Variants in PTPRD observed in about 807,000 individuals in gnomAD.
The protein encoded by PTPRD is protein tyrosine phosphatase receptor type D, also known as receptor-type tyrosine-protein phosphatase delta.
PTPRD carries 34 observed loss-of-function variants against 214.5 expected under a neutral mutation model. The ratio of observed to expected loss-of-function variants is 0.16; its 90% CI spans 0.12 to 0.21. The LOEUF (loss-of-function observed/expected upper bound fraction) is 0.21. Ranked by LOEUF, PTPRD falls within the 10% of genes least tolerant of loss-of-function variation. The pLI, the probability that PTPRD is intolerant of heterozygous loss-of-function variation, is 1.00. For synonymous variants in PTPRD, 1,128 were observed against 845.7 expected (o/e 1.33, Z -5.79); for missense variants, 2,545 against 2,398.7 (o/e 1.06, Z -1.27).
At chr9:8,951,348 A>G (rs1308404645) in intron 11 of PTPRD, among the ~76,000 whole-genome samples, 1 of 146,420 alleles carries the variant, frequency 6.8e-6, no homozygotes, top group Non-Finnish European at 1.5e-5. Context: ...TCAGTCCCGT[A>G]AACATAGAAA....
chr9:9,091,365 C>G, intron 10 of PTPRD: 1 of 699,376 alleles, frequency 1.4e-6, no homozygotes, highest in Non-Finnish European at 2.6e-6. Flanking sequence ...CTGTACATTT[C>G]TGTAAATCTC....
intron 12 of PTPRD, among the ~76,000 whole-genome samples, chr9:8,660,631 C>A (rs1243648886): frequency 6.6e-6 from 1 of 152,140 alleles, no homozygotes; most frequent in East Asian, 1.9e-4. Flanking sequence ...CATGATTCCA[C>A]CTCTGAAACC....
intron 36 of PTPRD, among the ~76,000 whole-genome samples, chr9:8,396,375 A>G (rs926370470): frequency 2.0e-5 from 3 of 152,298 alleles, no homozygotes; most frequent in Non-Finnish European, 4.4e-5. Context: ...CAGGATAAAA[A>G]TAATTCTTTT....
intron 2 of PTPRD, among the ~76,000 whole-genome samples, chr9:10,462,790 G>A (rs1334588372): frequency 1.3e-5 from 2 of 151,418 alleles, no homozygotes; most frequent in East Asian, 3.9e-4. Flanking sequence ...CTAGTTACAG[G>A]ACATATTTTC....
intron 9 of PTPRD, among the ~76,000 whole-genome samples, chr9:9,324,259 C>T (rs894106246): frequency 4.6e-5 from 7 of 152,268 alleles, no homozygotes; most frequent in South Asian, 2.1e-4. Flanking sequence ...CTTGAGGAAT[C>T]GCCACACTGT....
chr9:10,062,536 G>A (rs12237354), intron 3 of PTPRD, among the ~76,000 whole-genome samples: 7,273 of 152,066 alleles, frequency 0.048, 486 homozygotes, highest in African/African-American at 0.15. Flanking sequence ...AACCCGCAAG[G>A]CAGAGGTTGC....
At chr9:9,537,621 T>C (rs1157248949) in intron 8 of PTPRD, among the ~76,000 whole-genome samples, 2 of 152,144 alleles carry the variant, frequency 1.3e-5, no homozygotes, top group East Asian at 1.9e-4. Context: ...CATAGTTCAA[T>C]AGAATTCCCA....
chr9:8,667,105 G>A (rs1390005221), intron 12 of PTPRD, among the ~76,000 whole-genome samples: 2 of 152,330 alleles, frequency 1.3e-5, no homozygotes, highest in East Asian at 1.9e-4. Flanking sequence ...TTAGGAGGCT[G>A]AGGCGGGCAG....
intron 8 of PTPRD, among the ~76,000 whole-genome samples, chr9:9,547,796 T>A (rs1043505128): frequency 1.2e-4 from 17 of 142,448 alleles, no homozygotes; most frequent in Middle Eastern, 3.6e-3. Flanking sequence ...AAACACAAAT[T>A]CACACACACA....
chr9:8,469,513 A>G lies in PTPRD; in HGVS notation c.3504+1482T>C, dbSNP rs1162734046. On this transcript the variant is annotated intron_variant, in intron 31 of 45. Coordinates refer to ENST00000381196, the MANE Select transcript of PTPRD (RefSeq NM_002839.4). ...CTGAGAACCAATTAAAATAGTAAAG[A>G]ATATATCAAGATTAATTGATTAGTC... Among the ~76,000 whole-genome samples, 8 of 152,218 alleles carry G rather than the reference A, an allele frequency of 5.3e-5. No homozygotes were observed. In the East Asian group the frequency reaches 1.5e-3, roughly 29 times the overall value.
At chr9:9,359,534 A>C (rs1184810818) in intron 9 of PTPRD, among the ~76,000 whole-genome samples, 2 of 151,286 alleles carry the variant, frequency 1.3e-5, no homozygotes, top group Non-Finnish European at 3.0e-5. Flanking sequence ...ACAATTCTGC[A>C]GCATGGCTGG....
chr9:8,706,907 C>A (rs867935994), intron 12 of PTPRD, among the ~76,000 whole-genome samples: 1 of 152,140 alleles, frequency 6.6e-6, no homozygotes, highest in African/African-American at 2.4e-5. Flanking sequence ...CCACTGTCCC[C>A]GCTGGACAGC....
intron 3 of PTPRD, among the ~76,000 whole-genome samples, chr9:10,078,007 T>C (rs745836083): frequency 1.3e-5 from 2 of 152,018 alleles, no homozygotes; most frequent in African/African-American, 2.4e-5. Context: ...GTAATTGATA[T>C]ATGTAAATTC....
intron 2 of PTPRD, among the ~76,000 whole-genome samples, chr9:10,379,651 A>G (rs2097784929): frequency 6.6e-6 from 1 of 152,092 alleles, no homozygotes; most frequent in African/African-American, 2.4e-5. Flanking sequence ...AAAAAGTATA[A>G]CAGTTCAAAA....
chr9:8,552,828 C>G (rs1292252490), intron 14 of PTPRD, among the ~76,000 whole-genome samples: 2 of 152,170 alleles, frequency 1.3e-5, no homozygotes, highest in African/African-American at 2.4e-5. Context: ...AAATGTGTCA[C>G]AAGTAGATAC....
chr9:8,919,690 C>T (rs1044965006), intron 11 of PTPRD, among the ~76,000 whole-genome samples: 9 of 152,082 alleles, frequency 5.9e-5, no homozygotes, highest in African/African-American at 2.2e-4. Context: ...TATATTTATA[C>T]ATGCATGTAT....
chr9:9,892,455 GC>G (rs1332620179), intron 5 of PTPRD, among the ~76,000 whole-genome samples: 2 of 152,098 alleles, frequency 1.3e-5, no homozygotes, highest in East Asian at 3.9e-4. Context: ...GGCACAGTGA[GC>G]CAGACGGAAA....
intron 7 of PTPRD, among the ~76,000 whole-genome samples, chr9:9,595,416 A>C (rs1433523837): frequency 6.8e-6 from 1 of 146,856 alleles, no homozygotes; most frequent in Non-Finnish European, 1.5e-5. Flanking sequence ...ATATATATAC[A>C]AATGTACACA....
At chr9:8,889,345 G>C (rs941439020) in intron 11 of PTPRD, among the ~76,000 whole-genome samples, 4 of 152,244 alleles carry the variant, frequency 2.6e-5, no homozygotes, top group South Asian at 2.1e-4. Flanking sequence ...TCAGCTCCTA[G>C]CAAAGTTCCT....
Sources: gnomAD v4.1 joint callset for allele counts (sites outside exome capture counted in the v4.1 genomes callset) on GRCh38, gnomAD v4.1.1 for gene constraint, MANE v1.5 for transcripts, NCBI Gene and HGNC (gene_info 2026-07-23, HGNC 2026-07-21) for gene names.